The following GAD2 variants were observed in gnomAD, a reference collection of about 807,000 sequenced individuals.
GAD2 encodes the protein glutamate decarboxylase 2.
In GAD2, 22 loss-of-function variants were observed where a neutral mutation model predicts 80.1. That is an observed-to-expected ratio of 0.27 (90% CI 0.20 to 0.39). The LOEUF is 0.39. GAD2 is among the 10% of genes least tolerant of loss of function. GAD2 has a pLI of 1.00. For synonymous variants in GAD2, 274 were observed against 256.9 expected, an observed-to-expected ratio of 1.07 and a Z score of -0.64; for missense variants, 624 against 738.4, an observed-to-expected ratio of 0.85 and a Z score of 1.80.
intron 7 of GAD2, among the ~76,000 whole-genome samples, chr10:26,237,793 A>G (rs1355965979): frequency 6.6e-6 from 1 of 152,104 alleles, no homozygotes; most frequent in Non-Finnish European, 1.5e-5. Context: ...GGATCACCTG[A>G]GGTCAGGAGT....
intron 13 of GAD2, among the ~76,000 whole-genome samples, chr10:26,288,049 T>G (rs942382626): frequency 6.6e-6 from 1 of 152,170 alleles, no homozygotes; most frequent in Non-Finnish European, 1.5e-5. Flanking sequence ...TGTTTATAAT[T>G]TTTTTAAAGT....
intron 13 of GAD2, among the ~76,000 whole-genome samples, chr10:26,291,905 C>T (rs1455720155): frequency 6.6e-6 from 1 of 152,206 alleles, no homozygotes; most frequent in Non-Finnish European, 1.5e-5. Flanking sequence ...CAAAGGAGAA[C>T]TGTACAGAGC....
At position 26,217,143 on chromosome 10, in the gene GAD2, T is replaced by A. The variant is rs965518152; in HGVS notation, c.76+258T>A. ...AGAGCCCCCCAAAGACCGCGGTGTC[T>A]CGGGGACATGGAATTCCGTGGTCCT... On this transcript the variant is annotated intron_variant, in intron 1 of 15. Transcript: ENST00000376261. The surrounding 1 kb of genome is among the most constrained non-coding windows in gnomAD (Gnocchi z 4.9). Among the ~76,000 whole-genome samples, 1 of 151,624 alleles carries A rather than the reference T, an allele frequency of 6.6e-6. No homozygotes were observed. Among genetic ancestry groups the A allele is most frequent in the Non-Finnish European group, 1.5e-5 (1 of 67,904 alleles).
chr10:26,297,704 T>C (rs572741261), intron 15 of GAD2, among the ~76,000 whole-genome samples: 19 of 152,318 alleles, frequency 1.2e-4, no homozygotes, highest in East Asian at 1.9e-4. Context: ...GAGAGCTTTA[T>C]TGATGATATC....
chr10:26,281,244 A>C (rs1845267629), intron 12 of GAD2, among the ~76,000 whole-genome samples, 157 bp downstream of exon 12: 1 of 152,160 alleles, frequency 6.6e-6, no homozygotes, highest in African/African-American at 2.4e-5. Flanking sequence ...CTGCAGGGTG[A>C]AGGTCTGGTG....
chr10:26,283,510 C>T (rs183070901), intron 12 of GAD2, among the ~76,000 whole-genome samples: 9 of 152,298 alleles, frequency 5.9e-5, no homozygotes, highest in Non-Finnish European at 1.0e-4. Context: ...GGGTCAACAA[C>T]GAGTCAAGAG....
chr10:26,262,082 C>T (rs553436152), intron 8 of GAD2, among the ~76,000 whole-genome samples: 18 of 152,182 alleles, frequency 1.2e-4, no homozygotes, highest in Middle Eastern at 3.4e-3. Context: ...ATCTCTGACA[C>T]GTTTTGCTTT....
Position 26,259,329 on chromosome 10 carries a change from G to A in GAD2, c.921-9790G>A, listed in dbSNP as rs548645485. ...TTACATTCCTGCCAGCAGTACACAG[G>A]GTTCCAATTTCTTCACATCCTCACC... On this transcript the variant is annotated intron_variant, in intron 8 of 15. Coordinates refer to ENST00000376261, the MANE Select transcript of GAD2 (RefSeq NM_001134366.2). Among the ~76,000 whole-genome samples the A allele has an allele frequency of 1.1e-4, 17 of 152,170 alleles. 1 individual carries two copies. The South Asian group carries it at 3.5e-3, about 32-fold the overall frequency.
At chr10:26,249,494 G>C (rs780025523) in intron 8 of GAD2, among the ~76,000 whole-genome samples, 1 of 152,250 alleles carries the variant, frequency 6.6e-6, no homozygotes, top group Non-Finnish European at 1.5e-5. Context: ...TGAGGAGCCT[G>C]GAGTTGAGGG....
At chr10:26,230,902 A>G (rs1844593070) in intron 7 of GAD2, among the ~76,000 whole-genome samples, 1 of 152,062 alleles carries the variant, frequency 6.6e-6, no homozygotes, top group Non-Finnish European at 1.5e-5. Context: ...AGCCTGACCA[A>G]CATGGTGAAA....
At chr10:26,276,232 C>A (rs1845200268) in intron 11 of GAD2, among the ~76,000 whole-genome samples, 1 of 151,802 alleles carries the variant, frequency 6.6e-6, no homozygotes, top group South Asian at 2.1e-4. Context: ...TCTGGCATCC[C>A]CTTCAAGAAC....
chr10:26,256,911 T>A (rs1844949971), intron 8 of GAD2, among the ~76,000 whole-genome samples: 1 of 152,206 alleles, frequency 6.6e-6, no homozygotes, highest in African/African-American at 2.4e-5. Context: ...TACTGATGAT[T>A]TTTCCCTGAA....
chr10:26,286,272 T>C (rs747186481), intron 12 of GAD2, 73 bp from the exon 13 acceptor site: 23 of 1,326,590 alleles, frequency 1.7e-5, no homozygotes, highest in Non-Finnish European at 2.3e-5. Context: ...TTCTTTTTTC[T>C]TATTAATTTT....
chr10:26,272,503 A>G (rs1845147834), intron 10 of GAD2, among the ~76,000 whole-genome samples: 3 of 152,192 alleles, frequency 2.0e-5, no homozygotes, highest in Admixed American at 2.0e-4. Context: ...TTTAACATTC[A>G]TACATTCTAT....
intron 8 of GAD2, among the ~76,000 whole-genome samples, chr10:26,253,047 T>TCC (rs1216267259): frequency 2.0e-5 from 3 of 152,172 alleles, no homozygotes; most frequent in African/African-American, 7.2e-5. Context: ...AAAAAAAAGT[T>TCC]ATAATAAATC....
rs1306455970 is a variant in GAD2, at chr10:26,304,363, C to T, written c.*3402C>T. On this transcript the variant is annotated 3_prime_UTR_variant, in exon 16 of 16. Transcript: ENST00000376261. The stretch of plus-strand genomic sequence containing the variant: ...TAGTTAGGTGTGCCAAACTACCGTT[C>T]CCAAATTGGTGTTTCTGAATGACAT... 7 of 152,614 alleles carry T rather than the reference C, an allele frequency of 4.6e-5. No homozygotes were observed. The highest frequency in any genetic ancestry group is 8.8e-5 in the Non-Finnish European group (6 of 68,038). 9.5% of individuals were successfully genotyped at this position (152,614 alleles called of 1,614,324 possible).
intron 3 of GAD2, 134 bp from the exon 4 acceptor site, chr10:26,218,909 A>G (rs374031762): frequency 1.4e-5 from 8 of 586,180 alleles, no homozygotes; most frequent in East Asian, 1.3e-4. Context: ...TTAAAGAAAA[A>G]TGTTCTGCCT....
In GAD2 at chr10:26,270,702, C is replaced by T; in HGVS notation, c.1038C>T (p.Pro346=). ...AGTTVYGAFD[P]LLAVADICKK... Reference sequence around the variant, plus strand: ...CCACCGTGTACGGAGCATTTGACCCCCTCTTAGCTGTCGCTGACATTTGCA... The same window carrying T: ...CCACCGTGTACGGAGCATTTGACCCTCTCTTAGCTGTCGCTGACATTTGCA... Residue 346 remains proline (P), a synonymous_variant, in exon 10 of 16, where the codon CCC becomes CCT. Coordinates refer to ENST00000376261, the MANE Select transcript of GAD2 (RefSeq NM_001134366.2). The T allele has an allele frequency of 3.7e-6, 6 of 1,614,148 alleles. No homozygotes were observed. The highest frequency in any genetic ancestry group is 5.1e-6 in the Non-Finnish European group (6 of 1,179,998).
At chr10:26,294,510 T>A (rs1220773580) in intron 15 of GAD2, among the ~76,000 whole-genome samples, 1 of 152,146 alleles carries the variant, frequency 6.6e-6, no homozygotes, top group Non-Finnish European at 1.5e-5. Flanking sequence ...AGTGACCAGG[T>A]CTCACCCTGA....
Sources: allele counts gnomAD v4.1 joint callset (sites outside exome capture counted in the v4.1 genomes callset), GRCh38; gene constraint gnomAD v4.1.1; non-coding constraint Gnocchi (gnomAD v3.1); transcripts MANE v1.5; gene names NCBI Gene and HGNC (gene_info 2026-07-23, HGNC 2026-07-21).